Variants in CAGE1 observed in about 807,000 individuals in gnomAD.
CAGE1 encodes the protein cancer-associated gene 1 protein.
CAGE1 carries 66 observed loss-of-function variants against 94.9 expected under a neutral mutation model. The ratio of observed to expected loss-of-function variants is 0.70; its 90% CI spans 0.57 to 0.85. CAGE1 has a LOEUF of 0.85. CAGE1 is among the 40% of genes least tolerant of loss of function. CAGE1 has a pLI of 0.00. For synonymous variants in CAGE1, 319 were observed against 321.0 expected (o/e 0.99, Z 0.07); for missense variants, 865 against 950.4 (o/e 0.91, Z 1.18).
At chr6:7,346,753 GGCA>G (rs1342052391) in intron 11 of CAGE1, among the ~76,000 whole-genome samples, 1 of 140,694 alleles carries the variant, frequency 7.1e-6, no homozygotes, top group African/African-American at 2.6e-5. Context: ...AGGAGGCTGA[GGCA>G]GAAGAATTGC....
chr6:7,354,495 C>T (rs1208165944), intron 11 of CAGE1, among the ~76,000 whole-genome samples: 1 of 152,038 alleles, frequency 6.6e-6, no homozygotes, highest in Non-Finnish European at 1.5e-5. Context: ...AAAATTAGAC[C>T]TTTTGTTAGC....
At chr6:7,386,625 C>T (rs762418368) in intron 2 of CAGE1, among the ~76,000 whole-genome samples, 80 of 152,242 alleles carry the variant, frequency 5.3e-4, no homozygotes, top group African/African-American at 9.6e-4. Flanking sequence ...CTTGCTCTCT[C>T]GCATAGGCTG....
intron 9 of CAGE1, among the ~76,000 whole-genome samples, chr6:7,358,027 GAT>G (rs55850429): frequency 0.035 from 1,653 of 47,654 alleles, 18 homozygotes; most frequent in Non-Finnish European, 0.051. Flanking sequence ...TAAGTTTTGA[GAT>G]ATATATATAT....
At chr6:7,358,332 T>C (rs1351078018) in intron 9 of CAGE1, among the ~76,000 whole-genome samples, 1 of 152,078 alleles carries the variant, frequency 6.6e-6, no homozygotes, top group Non-Finnish European at 1.5e-5. Context: ...TATAATTATT[T>C]TGAGGTTCTT....
Position 7,328,928 on chromosome 6 carries a change from A to ATTT in CAGE1, c.2478+920_2478+921insAAA, listed in dbSNP as rs1471133909. On this transcript the variant is annotated intron_variant, in intron 13 of 13. Transcript: ENST00000502583. ...TGTGTGTGTGTGTGTGTATATATAT[A>ATTT]TATATATTTTTTTTTTTTTTTGAGA... is the stretch of plus-strand genomic sequence containing the variant. 3.0e-4 allele frequency among the ~76,000 whole-genome samples: 27 copies of ATTT among 88,968 alleles called. 1 individual carries two copies. The highest frequency in any genetic ancestry group is 4.0e-4 in the Non-Finnish European group (16 of 40,036). 58.4% of individuals were successfully genotyped at this position (88,968 alleles called of 152,430 possible).
At chr6:7,369,785 T>C (rs1389375637) in intron 6 of CAGE1, 134 bp downstream of exon 6, 1 of 842,974 alleles carries the variant, frequency 1.2e-6, no homozygotes, top group Non-Finnish European at 1.8e-6. Flanking sequence ...ATGGATGGCT[T>C]AGGGGTCTGT....
chr6:7,343,005 A>T (rs1291003844), intron 11 of CAGE1, among the ~76,000 whole-genome samples: 1 of 152,008 alleles, frequency 6.6e-6, no homozygotes, highest in Non-Finnish European at 1.5e-5. Context: ...TGGCCAACAT[A>T]GTGAAACCCT....
intron 11 of CAGE1, chr6:7,341,698 T>C: frequency 1.4e-6 from 1 of 709,288 alleles, no homozygotes. Context: ...GGAGCTAAAG[T>C]CAAAGCCACT....
rs1254586796 is a variant in CAGE1, at chr6:7,328,906, GTGTGTGTGTGTGTATATA to G, written c.2478+925_2478+942del. Among the ~76,000 whole-genome samples the G allele has an allele frequency of 2.1e-3, 217 of 101,072 alleles. 4 individuals are homozygous for G. Among genetic ancestry groups the G allele is most frequent in the African/African-American group, 6.4e-3 (154 of 24,052 alleles). The allele number at this position is 101,072 out of a possible 152,430, so 66.3% of individuals were successfully genotyped here. A position where few individuals can be genotyped will look rare whatever the true frequency, so the allele number is the denominator to read the frequency against. On this transcript the variant is annotated intron_variant, in intron 13 of 13. Transcript: ENST00000502583. ...TGTGTGTGTGTGTGTGTGTGTGTGT[GTGTGTGTGTGTGTATATA>G]TATATATATATTTTTTTTTTTTTTT...
At chr6:7,369,752 G>C (rs145598699) in intron 6 of CAGE1, among the ~76,000 whole-genome samples, 167 bp downstream of exon 6, 1,935 of 152,280 alleles carry the variant, frequency 0.013, 39 homozygotes, top group African/African-American at 0.044. Flanking sequence ...GCAGAAAGAA[G>C]ACATGGGGCG....
chr6:7,341,874 G>T, intron 11 of CAGE1: 1 of 684,208 alleles, frequency 1.5e-6, no homozygotes, highest in Non-Finnish European at 2.8e-6. Context: ...CTTCTTGCAG[G>T]AACGGGTGCC....
chr6:7,348,175 AC>A (rs1248005434), intron 11 of CAGE1, among the ~76,000 whole-genome samples: 3 of 151,646 alleles, frequency 2.0e-5, no homozygotes, highest in East Asian at 1.9e-4. Context: ...AGTCCATTTC[AC>A]CCCCCTGCCA....
At chr6:7,331,313 A>C (rs2113341111) in intron 12 of CAGE1, 3 of 989,534 alleles carry the variant, frequency 3.0e-6, no homozygotes, top group Non-Finnish European at 4.4e-6. Context: ...TCAAGAAAGC[A>C]ACCATCAAAC....
intron 11 of CAGE1, chr6:7,340,804 C>T: frequency 2.5e-6 from 1 of 393,766 alleles, no homozygotes; most frequent in Non-Finnish European, 4.9e-6. Flanking sequence ...AGACAGTCTA[C>T]TCCCTCAATG....
At chr6:7,329,112 T>G (rs1219899099) in intron 13 of CAGE1, 2 of 310,806 alleles carry the variant, frequency 6.4e-6, no homozygotes, top group Middle Eastern at 6.0e-4. Context: ...TCTGTATTTT[T>G]AATAGAGACG....
At chr6:7,342,514 C>T (rs891307025) in intron 11 of CAGE1, among the ~76,000 whole-genome samples, 2 of 152,154 alleles carry the variant, frequency 1.3e-5, no homozygotes, top group Non-Finnish European at 2.9e-5. Flanking sequence ...ACTCATACTC[C>T]GGGTATCTGT....
At chr6:7,367,774 A>G (rs1177024853) in intron 7 of CAGE1, among the ~76,000 whole-genome samples, 3 of 152,164 alleles carry the variant, frequency 2.0e-5, no homozygotes, top group African/African-American at 7.2e-5. Flanking sequence ...ATTTGTTATG[A>G]TCCAAGATTC....
chr6:7,338,838 G>T, intron 11 of CAGE1: 1 of 1,155,032 alleles, frequency 8.7e-7, no homozygotes, highest in Non-Finnish European at 1.3e-6. Context: ...AGGAGATCCT[G>T]TTATGCTGTG....
chr6:7,359,607 C>T (rs1257375548), intron 9 of CAGE1, among the ~76,000 whole-genome samples: 1 of 152,134 alleles, frequency 6.6e-6, no homozygotes, highest in Non-Finnish European at 1.5e-5. Flanking sequence ...AGAGCTGCTC[C>T]CCGGGCAGTG....
Sources: gnomAD v4.1 joint callset for allele counts (sites outside exome capture counted in the v4.1 genomes callset) on GRCh38, gnomAD v4.1.1 for gene constraint, MANE v1.5 for transcripts, NCBI Gene and HGNC (gene_info 2026-07-23, HGNC 2026-07-21) for gene names.